Variants in BCL2L11 observed in about 807,000 individuals in gnomAD.
BCL2L11 encodes the protein bcl-2-like protein 11.
A neutral mutation model predicts 20.6 loss-of-function variants in BCL2L11; 15 were observed. The ratio of observed to expected loss-of-function variants is 0.73; its 90% CI spans 0.49 to 1.12. BCL2L11 has a LOEUF of 1.12. BCL2L11 is among the 50% of genes most tolerant of loss of function. The pLI is 0.00. For missense variants in BCL2L11, 292 were observed against 260.9 expected (o/e 1.12, Z -0.82); for synonymous variants, 108 against 92.8 (o/e 1.16, Z -0.94).
At position 111,129,365 on chromosome 2, in the gene BCL2L11, GAA is replaced by G. The variant is rs375478820; in HGVS notation, c.394+5228_394+5229del. On this transcript the variant is annotated intron_variant, in intron 2 of 3. Coordinates refer to ENST00000393256, the MANE Select transcript of BCL2L11 (RefSeq NM_138621.5). ...AGTGGGGAGAGAAAGTGCTAGAAGA[GAA>G]AGATATTTTTCTTTACTAGTTCCAA... Among the ~76,000 whole-genome samples the G allele has an allele frequency of 3.9e-5, 6 of 152,230 alleles. 1 individual carries two copies. The highest frequency in any genetic ancestry group is 1.4e-4 in the African/African-American group (6 of 41,534).
rs1052112217 is a variant in BCL2L11 at position 111,166,873 on chromosome 2, G to A, written c.*2642G>A. 1 of 152,538 alleles carries A rather than the reference G, an allele frequency of 6.6e-6. No individual in the cohort carries two copies. The highest frequency in any genetic ancestry group is 2.4e-5 in the African/African-American group (1 of 41,406). 9.4% of individuals were successfully genotyped at this position (152,538 alleles called of 1,614,324 possible). ...CCCCTTCTTAATGTATATATTGTGAGTATTTATTAGATTCGTAGGTCATAT... is the reference window on the plus strand; with the variant it reads ...CCCCTTCTTAATGTATATATTGTGAATATTTATTAGATTCGTAGGTCATAT... On this transcript the variant is annotated 3_prime_UTR_variant, in exon 4 of 4. Transcript: ENST00000393256.
intron 2 of BCL2L11, among the ~76,000 whole-genome samples, chr2:111,142,922 AC>A (rs2076041899): frequency 6.6e-6 from 1 of 152,224 alleles, no homozygotes. Flanking sequence ...TCTTAAGTGA[AC>A]CAATGTATAT....
intron 2 of BCL2L11, among the ~76,000 whole-genome samples, chr2:111,135,617 G>A (rs1165207326): frequency 6.6e-6 from 1 of 152,114 alleles, no homozygotes; most frequent in Admixed American, 6.5e-5. Context: ...ATGCTAGATG[G>A]GAGAGTTCTC....
At chr2:111,142,948 A>C (rs543354076) in intron 2 of BCL2L11, among the ~76,000 whole-genome samples, 5 of 152,188 alleles carry the variant, frequency 3.3e-5, no homozygotes, top group Non-Finnish European at 1.5e-5. Context: ...TTTTATCTTT[A>C]CTTTTAAAAG....
chr2:111,153,718 T>G, intron 3 of BCL2L11: 1 of 1,546,232 alleles, frequency 6.5e-7, no homozygotes, highest in Non-Finnish European at 8.8e-7. Flanking sequence ...TTGTCTAAAG[T>G]GTTAGTCTTT....
rs368175038 is a variant in BCL2L11, at chr2:111,165,733, G to T, written c.*1502G>T. 1 of 152,164 alleles carries T rather than the reference G, an allele frequency of 6.6e-6. No individual in the cohort carries two copies. Among genetic ancestry groups the T allele is most frequent in the African/African-American group, 2.4e-5 (1 of 41,528 alleles). 9.4% of individuals were successfully genotyped at this position (152,164 alleles called of 1,614,324 possible). A position where few individuals can be genotyped will look rare whatever the true frequency, so the allele number is the denominator to read the frequency against. ...GAGGGAAGACAATTCTGTGAACTCT[G>T]TAACTCTTAAAATTTTTGAAAACTC... On this transcript the variant is annotated 3_prime_UTR_variant, in exon 4 of 4. Coordinates refer to ENST00000393256, the MANE Select transcript of BCL2L11 (RefSeq NM_138621.5).
chr2:111,144,639 G>C, intron 2 of BCL2L11: 11 of 1,278,610 alleles, frequency 8.6e-6, no homozygotes, highest in Non-Finnish European at 1.2e-5. Flanking sequence ...GAGACTTACA[G>C]AGTTGAATAA....
At chr2:111,152,678 T>C (rs1212206899) in intron 3 of BCL2L11, among the ~76,000 whole-genome samples, 1 of 152,230 alleles carries the variant, frequency 6.6e-6, no homozygotes, top group East Asian at 1.9e-4. Flanking sequence ...AAACCTAGGC[T>C]GCTGGGTTGT....
At chr2:111,122,499 C>T (rs926347678) in intron 1 of BCL2L11, among the ~76,000 whole-genome samples, 21 of 152,122 alleles carry the variant, frequency 1.4e-4, no homozygotes, top group African/African-American at 4.8e-4. Context: ...CCCGTAGGCG[C>T]CGCCCCCACC....
chr2:111,134,054 A>G (rs967725810), intron 2 of BCL2L11, among the ~76,000 whole-genome samples: 1 of 151,280 alleles, frequency 6.6e-6, no homozygotes, highest in Non-Finnish European at 1.5e-5. Context: ...TTCCATCTGC[A>G]TATGTTGTAT....
chr2:111,129,663 A>G (rs969599886), intron 2 of BCL2L11, among the ~76,000 whole-genome samples: 3 of 152,168 alleles, frequency 2.0e-5, no homozygotes, highest in African/African-American at 4.8e-5. Context: ...GTTTACTTCT[A>G]TTCAGGTTTA....
Position 111,157,602 on chromosome 2 carries a change from C to A in BCL2L11, c.499-6531C>A, listed in dbSNP as rs79960515. Among the ~76,000 whole-genome samples the A allele has an allele frequency of 3.3e-3, 508 of 152,248 alleles. 1 individual carries two copies. The highest frequency in any genetic ancestry group is 0.012 in the African/African-American group (487 of 41,548). On this transcript the variant is annotated intron_variant, in intron 3 of 3. Transcript: ENST00000393256. The stretch of plus-strand genomic sequence containing the variant: ...GAGTTGTTCCCCAGTTTAGCCAGCA[C>A]CAGGTCTGGAGTCTGACAGGCTAGA...
intron 2 of BCL2L11, chr2:111,142,528 C>T (rs977920324): frequency 7.3e-6 from 5 of 683,506 alleles, no homozygotes; most frequent in Non-Finnish European, 1.3e-5. Flanking sequence ...AATTGTACTT[C>T]ACTTTGTATA....
At chr2:111,148,056 C>T (rs1443474525) in intron 2 of BCL2L11, among the ~76,000 whole-genome samples, 1 of 152,308 alleles carries the variant, frequency 6.6e-6, no homozygotes, top group East Asian at 1.9e-4. Flanking sequence ...TTTTACCAGT[C>T]TGCCAACTTT....
Position 111,164,284 on chromosome 2 carries a change from A to T in BCL2L11, c.*53A>T. ...TGCAGACATTTTGCTTGTTCAAACCAACAAGACCCAGCACCGCGGTCTCCT... is the reference window on the plus strand; with the variant it reads ...TGCAGACATTTTGCTTGTTCAAACCTACAAGACCCAGCACCGCGGTCTCCT... On this transcript the variant is annotated 3_prime_UTR_variant, in exon 4 of 4. Transcript: ENST00000393256. 7.4e-7 allele frequency: 1 copy of T among 1,350,236 alleles called. No homozygotes were observed. Among genetic ancestry groups the T allele is most frequent in the Non-Finnish European group, 1.1e-6 (1 of 939,536 alleles). 83.6% of individuals were successfully genotyped at this position (1,350,236 alleles called of 1,614,324 possible).
intron 3 of BCL2L11, chr2:111,161,297 TC>T (rs1575214961): frequency 8.0e-7 from 1 of 1,252,670 alleles, no homozygotes; most frequent in Admixed American, 2.0e-5. Flanking sequence ...TGGAGCATCT[TC>T]CCTGATTGTA....
chr2:111,127,598 C>T (rs2072952110), intron 2 of BCL2L11, among the ~76,000 whole-genome samples: 1 of 152,002 alleles, frequency 6.6e-6, no homozygotes, highest in African/African-American at 2.4e-5. Context: ...CCAGCTCTGC[C>T]TGTTAGCCTT....
intron 1 of BCL2L11, chr2:111,122,829 G>A (rs1033814102): frequency 1.7e-5 from 17 of 985,366 alleles, no homozygotes; most frequent in South Asian, 4.7e-5. Context: ...TCGTGGTGAC[G>A]GTCAGGGGGC....
At chr2:111,136,215 G>A (rs1264879305) in intron 2 of BCL2L11, among the ~76,000 whole-genome samples, 4 of 152,188 alleles carry the variant, frequency 2.6e-5, no homozygotes, top group African/African-American at 4.8e-5. Context: ...TGTTATCTAC[G>A]CCTCTTGGAA....
Sources: allele counts gnomAD v4.1 joint callset (sites outside exome capture counted in the v4.1 genomes callset), GRCh38; gene constraint gnomAD v4.1.1; transcripts MANE v1.5; gene names NCBI Gene and HGNC (gene_info 2026-07-23, HGNC 2026-07-21).